CSMD1: variants seen among roughly 807,000 people sequenced by gnomAD.
The protein encoded by CSMD1 is CUB and Sushi multiple domains 1, also known as CUB and sushi domain-containing protein 1.
Under a neutral mutation model 417.5 loss-of-function variants are expected in CSMD1, and 213 were observed. That is an observed-to-expected ratio of 0.51 (90% CI 0.46 to 0.57). CSMD1 has a LOEUF of 0.57. Ranked by LOEUF, CSMD1 falls within the 20% of genes least tolerant of loss-of-function variation. CSMD1 has a pLI of 0.00. For synonymous variants in CSMD1, 2,862 were observed against 1,736.8 expected, an observed-to-expected ratio of 1.65 and a Z score of -16.11; for missense variants, 6,923 against 4,529.7, an observed-to-expected ratio of 1.53 and a Z score of -15.17.
At chr8:4,417,762 A>G (rs1171298147) in intron 3 of CSMD1, among the ~76,000 whole-genome samples, 1 of 152,012 alleles carries the variant, frequency 6.6e-6, no homozygotes, top group Admixed American at 6.6e-5. Flanking sequence ...ACATTTTTCT[A>G]ATTATTATCA....
At chr8:4,581,344 T>G (rs1434804770) in intron 2 of CSMD1, among the ~76,000 whole-genome samples, 1 of 150,612 alleles carries the variant, frequency 6.6e-6, no homozygotes, top group African/African-American at 2.4e-5. Flanking sequence ...ACTACTTTAA[T>G]TAAATCTTAC....
chr8:3,215,240 T>C (rs977412930), intron 29 of CSMD1, among the ~76,000 whole-genome samples: 1 of 152,218 alleles, frequency 6.6e-6, no homozygotes, highest in African/African-American at 2.4e-5. Context: ...TTGTTCTCAT[T>C]CTTTTACTAC....
chr8:3,373,337 C>G (rs74836809), intron 18 of CSMD1: 9,760 of 152,316 alleles, frequency 0.064, 505 homozygotes, highest in East Asian at 0.22. Flanking sequence ...CCCCGTCATG[C>G]TGCCATCAGG....
At chr8:3,736,150 G>A (rs555285516) in intron 6 of CSMD1, among the ~76,000 whole-genome samples, 6 of 152,278 alleles carry the variant, frequency 3.9e-5, no homozygotes, top group Non-Finnish European at 7.4e-5. Flanking sequence ...ATAAAACCCT[G>A]TAATCGCATC....
chr8:3,312,427 T>TA (rs1554510964), intron 23 of CSMD1, among the ~76,000 whole-genome samples: 2 of 152,188 alleles, frequency 1.3e-5, no homozygotes, highest in Non-Finnish European at 2.9e-5. Context: ...CCTCTAGGCT[T>TA]GTGTGATGTC....
Position 4,401,286 on chromosome 8 carries a change from CAA to C in CSMD1, c.415+18665_415+18666del, listed in dbSNP as rs374417034. 1.6e-4 allele frequency among the ~76,000 whole-genome samples: 25 copies of C among 152,224 alleles called. No individual in the cohort carries two copies. In the East Asian group the frequency reaches 4.8e-3, roughly 29 times the overall value. On this transcript the variant is annotated intron_variant, in intron 3 of 69. Coordinates refer to ENST00000635120, the MANE Select transcript of CSMD1 (RefSeq NM_033225.6). ...TATGTCTTGAAACCTGTAATCAAGT[CAA>C]AGTGCTTTTATAATATTTCTACAGG...
chr8:4,624,814 C>T (rs1325783673), intron 2 of CSMD1, among the ~76,000 whole-genome samples: 1 of 152,158 alleles, frequency 6.6e-6, no homozygotes, highest in East Asian at 1.9e-4. Flanking sequence ...GTGACCCACA[C>T]AGACCTCAGA....
chr8:4,837,833 T>C (rs778510991), intron 1 of CSMD1, among the ~76,000 whole-genome samples: 2 of 152,048 alleles, frequency 1.3e-5, no homozygotes, highest in African/African-American at 2.4e-5. Context: ...TTATTTGATA[T>C]AGCATGCCTA....
intron 3 of CSMD1, among the ~76,000 whole-genome samples, chr8:4,398,457 G>C (rs903199324): frequency 7.1e-6 from 1 of 140,870 alleles, no homozygotes; most frequent in African/African-American, 2.6e-5. Context: ...GCAGTGGTGC[G>C]ATCTCGGCTC....
chr8:4,861,993 T>C (rs1802164105), intron 1 of CSMD1, among the ~76,000 whole-genome samples: 1 of 152,058 alleles, frequency 6.6e-6, no homozygotes, highest in Non-Finnish European at 1.5e-5. Context: ...GTATTGAACA[T>C]GAAAATAAAG....
chr8:3,500,607 A>G (rs1409979481), intron 10 of CSMD1, among the ~76,000 whole-genome samples: 1 of 152,238 alleles, frequency 6.6e-6, no homozygotes, highest in Non-Finnish European at 1.5e-5. Flanking sequence ...TAGGGAGGAC[A>G]CCAAGAATAT....
intron 3 of CSMD1, among the ~76,000 whole-genome samples, chr8:4,092,440 T>A (rs1047207036): frequency 2.0e-5 from 3 of 152,240 alleles, no homozygotes; most frequent in African/African-American, 7.2e-5. Context: ...GACTATATTA[T>A]GACCATATTA....
chr8:4,439,348 G>T (rs149805751), intron 2 of CSMD1, among the ~76,000 whole-genome samples: 1 of 152,012 alleles, frequency 6.6e-6, no homozygotes, highest in Non-Finnish European at 1.5e-5. Flanking sequence ...CAAAATTAAA[G>T]AAATTGTGAG....
intron 10 of CSMD1, among the ~76,000 whole-genome samples, chr8:3,565,131 C>CAAAAAAA (rs869248314): frequency 0.023 from 237 of 10,460 alleles, 23 homozygotes; most frequent in East Asian, 0.032. Flanking sequence ...TGCAAGACAG[C>CAAAAAAA]AAAAAAAAAA....
intron 12 of CSMD1, among the ~76,000 whole-genome samples, chr8:3,419,079 G>T (rs1288551922): frequency 2.0e-5 from 3 of 152,132 alleles, no homozygotes; most frequent in Non-Finnish European, 4.4e-5. Flanking sequence ...ATTGTTTAAG[G>T]CTGAAACGCC....
At chr8:3,941,553 G>A (rs911246658) in intron 5 of CSMD1, among the ~76,000 whole-genome samples, 2 of 151,994 alleles carry the variant, frequency 1.3e-5, no homozygotes, top group Non-Finnish European at 2.9e-5. Flanking sequence ...CCGAGCAGTG[G>A]GTTTCCTTGG....
intron 3 of CSMD1, among the ~76,000 whole-genome samples, chr8:4,199,610 G>A (rs188601457): frequency 3.1e-4 from 47 of 152,198 alleles, no homozygotes; most frequent in African/African-American, 9.4e-4. Context: ...CCTCCTCAAC[G>A]CCTTGCATTT....
intron 2 of CSMD1, among the ~76,000 whole-genome samples, chr8:4,494,903 A>G (rs1304122149): frequency 6.6e-6 from 1 of 152,214 alleles, no homozygotes; most frequent in Non-Finnish European, 1.5e-5. Flanking sequence ...CATTGTTAGG[A>G]CAAATTGAAA....
chr8:4,778,380 C>A (rs1288935902), intron 1 of CSMD1, among the ~76,000 whole-genome samples: 4 of 152,094 alleles, frequency 2.6e-5, no homozygotes, highest in Non-Finnish European at 5.9e-5. Context: ...ACTTGATTTT[C>A]TTCTCATTCC....
Sources: allele counts gnomAD v4.1 joint callset (sites outside exome capture counted in the v4.1 genomes callset), GRCh38; gene constraint gnomAD v4.1.1; transcripts MANE v1.5; gene names NCBI Gene and HGNC (gene_info 2026-07-23, HGNC 2026-07-21).